PAH: variants seen among roughly 807,000 people sequenced by gnomAD.
The protein encoded by PAH is phenylalanine hydroxylase, also known as phenylalanine-4-hydroxylase.
In PAH, 64 loss-of-function variants were observed where a neutral mutation model predicts 62.0. The ratio of observed to expected loss-of-function variants is 1.03; its 90% CI spans 0.84 to 1.27. PAH has a LOEUF of 1.27. PAH is among the 50% of genes most tolerant of loss of function. The probability of loss-of-function intolerance (pLI) is 0.00; values close to 1 mark genes in which losing one functional copy is unlikely to be tolerated. For missense variants in PAH, 579 were observed against 542.8 expected (o/e 1.07, Z -0.66); for synonymous variants, 195 against 196.2 (o/e 0.99, Z 0.05).
chr12:102,844,409 A>G lies in PAH; in HGVS notation c.992T>C (p.Phe331Ser), dbSNP rs199475614. 1 of 1,613,416 alleles carries G rather than the reference A, an allele frequency of 6.2e-7. No individual in the cohort carries two copies. ...LATIYWFTVE[F>S]GLCKQGDSIK... ...GGAGTCTCCTTGTTTGCAGAGCCCA[A>G]ACTCCACAGTAAACCAGTAAATCTG... Residue 331 changes from phenylalanine (F) to serine (S), a missense_variant, in exon 10 of 13, where the codon TTT (phenylalanine) becomes TCT (serine). Physicochemically the swap from Phe to Ser is radical, Grantham distance 155 (BLOSUM62 -2). Coordinates refer to ENST00000553106, the MANE Select transcript of PAH (RefSeq NM_000277.3).
intron 2 of PAH, among the ~76,000 whole-genome samples, chr12:102,896,406 A>T (rs1266054481): frequency 6.6e-6 from 1 of 152,212 alleles, no homozygotes; most frequent in Non-Finnish European, 1.5e-5. Context: ...ATTCTGAAAG[A>T]AATAGGGATC....
upstream of PAH, among the ~76,000 whole-genome samples, chr12:102,918,341 A>G (rs1317921634): frequency 6.6e-6 from 1 of 152,190 alleles, no homozygotes; most frequent in African/African-American, 2.4e-5. Flanking sequence ...GTGCCTGCTT[A>G]ATATTTTCCC....
Position 102,837,064 on chromosome 12 carries a change from T to A in PAH, c.*2111A>T, listed in dbSNP as rs1418917293. On this transcript the variant is annotated 3_prime_UTR_variant, in exon 13 of 13. Transcript: ENST00000553106. ...TTTGATTGTACTCAGCAAGATCATC[T>A]GTCAGTAAAGACTGATACTGTTTCT... 2 of 152,248 alleles carry A rather than the reference T, an allele frequency of 1.3e-5. No homozygotes were observed. Among genetic ancestry groups the A allele is most frequent in the Non-Finnish European group, 2.9e-5 (2 of 68,034 alleles). The allele number at this position is 152,248 out of a possible 1,614,324, so 9.4% of individuals were successfully genotyped here. A position where few individuals can be genotyped will look rare whatever the true frequency, so the allele number is the denominator to read the frequency against.
intron 5 of PAH, among the ~76,000 whole-genome samples, chr12:102,857,756 T>C (rs1875507814): frequency 6.6e-6 from 1 of 152,050 alleles, no homozygotes; most frequent in African/African-American, 2.4e-5. Flanking sequence ...ATAAAATCCT[T>C]TACAGACAAG....
chr12:102,861,357 A>G (rs1288090046), intron 5 of PAH, among the ~76,000 whole-genome samples: 1 of 152,200 alleles, frequency 6.6e-6, no homozygotes, highest in Non-Finnish European at 1.5e-5. Flanking sequence ...ATATGGAGAA[A>G]TAGGAACACT....
At chr12:102,882,003 T>C (rs968661669) in intron 3 of PAH, among the ~76,000 whole-genome samples, 2 of 152,200 alleles carry the variant, frequency 1.3e-5, no homozygotes, top group African/African-American at 4.8e-5. Flanking sequence ...GAAAGTATGG[T>C]AGCTATATTT....
At chr12:102,917,328 C>T, upstream of PAH, 1 of 620,608 alleles carries the variant, frequency 1.6e-6, no homozygotes, top group Non-Finnish European at 2.9e-6. Flanking sequence ...GCCAGGGCAG[C>T]CTGCCGGATG....
chr12:102,847,121 G>A, intron 8 of PAH, 170 bp from the exon 9 acceptor site: 1 of 657,316 alleles, frequency 1.5e-6, no homozygotes, highest in Admixed American at 2.1e-5. Context: ...TAGAATCACA[G>A]ATCTCCAGGG....
intron 4 of PAH, among the ~76,000 whole-genome samples, chr12:102,874,148 T>A (rs924638052): frequency 6.6e-6 from 1 of 152,188 alleles, no homozygotes; most frequent in Non-Finnish European, 1.5e-5. Context: ...AGGCAACATA[T>A]ATGATTTAGA....
upstream of PAH, among the ~76,000 whole-genome samples, chr12:102,955,607 G>A (rs1879886892): frequency 6.6e-6 from 1 of 152,250 alleles, no homozygotes; most frequent in Non-Finnish European, 1.5e-5. Context: ...GCTGGGTCAT[G>A]TGGGAGGTGG....
At chr12:102,917,457 G>A (rs1878433591), upstream of PAH, 5 of 397,438 alleles carry the variant, frequency 1.3e-5, no homozygotes, top group South Asian at 6.5e-5. Flanking sequence ...GGGAGCGACG[G>A]GCCACCCAAG....
intron 3 of PAH, among the ~76,000 whole-genome samples, chr12:102,887,547 T>C (rs1030494448): frequency 6.6e-6 from 1 of 152,042 alleles, no homozygotes; most frequent in African/African-American, 2.4e-5. Flanking sequence ...TGTTATTGGC[T>C]GGGGTTATAG....
At chr12:102,923,856 T>C (rs1878616420) in intron 1 of PAH, among the ~76,000 whole-genome samples, 1 of 152,270 alleles carries the variant, frequency 6.6e-6, no homozygotes, top group Non-Finnish European at 1.5e-5. Context: ...TCTTTTGGGG[T>C]TATCTCACCG....
intron 1 of PAH, among the ~76,000 whole-genome samples, chr12:102,930,551 A>T (rs1878824312): frequency 6.6e-6 from 1 of 152,208 alleles, no homozygotes; most frequent in African/African-American, 2.4e-5. Context: ...GTTAGTGGTT[A>T]TATTGACATC....
chr12:102,928,892 A>C (rs897405821), intron 1 of PAH, among the ~76,000 whole-genome samples: 1 of 152,130 alleles, frequency 6.6e-6, no homozygotes, highest in Non-Finnish European at 1.5e-5. Flanking sequence ...AGGTTCTATG[A>C]TTATAACTGC....
chr12:102,885,491 A>G (rs946549519), intron 3 of PAH, among the ~76,000 whole-genome samples: 1 of 152,202 alleles, frequency 6.6e-6, no homozygotes, highest in Non-Finnish European at 1.5e-5. Context: ...CTGGGGCAAC[A>G]GAGGCCCTCT....
intron 5 of PAH, among the ~76,000 whole-genome samples, chr12:102,859,050 A>C (rs1768621445): frequency 6.6e-6 from 1 of 152,170 alleles, no homozygotes; most frequent in African/African-American, 2.4e-5. Flanking sequence ...TTTTTTTGAA[A>C]AGATCGACAA....
chr12:102,840,665 A>C (rs1277011599), intron 11 of PAH, 150 bp from the exon 12 acceptor site: 1 of 690,156 alleles, frequency 1.4e-6, no homozygotes, highest in Non-Finnish European at 2.7e-6. Context: ...GGCGGGGGGA[A>C]TGGAGTTTTA....
intron 1 of PAH, chr12:102,958,125 T>G: frequency 2.9e-6 from 2 of 682,924 alleles, no homozygotes; most frequent in Non-Finnish European, 4.2e-6. Context: ...TCCCGCTTCA[T>G]ATTTCCTTTT....
Sources: gnomAD v4.1 joint callset for allele counts (sites outside exome capture counted in the v4.1 genomes callset) on GRCh38, gnomAD v4.1.1 for gene constraint, MANE v1.5 for transcripts, NCBI Gene and HGNC (gene_info 2026-07-23, HGNC 2026-07-21) for gene names.